ADGRL3: variants seen among roughly 807,000 people sequenced by gnomAD.
ADGRL3 encodes calcium-independent alpha-latrotoxin receptor 3.
In ADGRL3, 62 loss-of-function variants were observed where a neutral mutation model predicts 153.5. The ratio of observed to expected loss-of-function variants is 0.40; its 90% CI spans 0.33 to 0.50. The LOEUF (loss-of-function observed/expected upper bound fraction) is 0.50. Ranked by LOEUF, ADGRL3 falls within the 20% of genes least tolerant of loss-of-function variation. The pLI, the probability that ADGRL3 is intolerant of heterozygous loss-of-function variation, is 0.47. For synonymous variants in ADGRL3, 710 were observed against 672.5 expected (o/e 1.06, Z -0.86); for missense variants, 1,641 against 1,859.4 (o/e 0.88, Z 2.16).
In ADGRL3 at chr4:61,517,396, C is replaced by G. The variant is rs2098503212; in HGVS notation, c.137C>G (p.Pro46Arg). Residue 46 changes from proline to arginine, a missense_variant, in exon 4 of 27, where the codon CCC (proline) becomes CGC (arginine). By Grantham distance (103) the Pro-to-Arg change is moderately radical. Around this residue, in one of 5 missense-constraint regions of ADGRL3, gnomAD observed 145 missense variants for 79.1 expected, o/e 1.83. Coordinates refer to ENST00000683033, the MANE Select transcript of ADGRL3 (RefSeq NM_001387552.1). ...CGCAGCCCAGGAGGCGCTCTTCCAC[C>G]CAGACATCTGCTTCAGCAGCCAGCT... ...AERSPGGALPPRHLLQQPAAE... is the reference protein window; with the variant it reads ...AERSPGGALPRRHLLQQPAAE... 1 of 731,148 alleles carries G rather than the reference C, an allele frequency of 1.4e-6. No individual in the cohort carries two copies. Among genetic ancestry groups the G allele is most frequent in the Non-Finnish European group, 2.4e-6 (1 of 410,696 alleles). The allele number at this position is 731,148 out of a possible 1,614,324, so 45.3% of individuals were successfully genotyped here. A position where few individuals can be genotyped will look rare whatever the true frequency, so the allele number is the denominator to read the frequency against.
At chr4:61,789,041 C>T (rs1580831296) in intron 8 of ADGRL3, among the ~76,000 whole-genome samples, 2 of 151,962 alleles carry the variant, frequency 1.3e-5, no homozygotes, top group African/African-American at 4.8e-5. Flanking sequence ...TCAAATTTAT[C>T]AAAAGAGTCA....
intron 2 of ADGRL3, among the ~76,000 whole-genome samples, chr4:61,456,384 T>TATAGATATATCTATATCTATAG (rs1553934045): frequency 8.7e-6 from 1 of 115,100 alleles, no homozygotes; most frequent in Admixed American, 9.6e-5. Context: ...TCTATATATA[T>TATAGATATATCTATATCTATAG]ATATAGATAT....
At chr4:61,846,460 G>T (rs532283427) in intron 9 of ADGRL3, among the ~76,000 whole-genome samples, 1 of 152,000 alleles carries the variant, frequency 6.6e-6, no homozygotes, top group Non-Finnish European at 1.5e-5. Flanking sequence ...TGCATTTACA[G>T]CCATCTAGCC....
At chr4:61,440,996 T>A in intron 2 of ADGRL3, among the ~76,000 whole-genome samples, 1 of 152,220 alleles carries the variant, frequency 6.6e-6, no homozygotes, top group Non-Finnish European at 1.5e-5. Flanking sequence ...TACAGGTCTC[T>A]GAGAGATTAT....
At chr4:61,551,747 G>A (rs1468277339) in intron 4 of ADGRL3, among the ~76,000 whole-genome samples, 1 of 152,136 alleles carries the variant, frequency 6.6e-6, no homozygotes, top group Non-Finnish European at 1.5e-5. Context: ...AGGAATCACA[G>A]AGCTGGACAA....
chr4:61,249,028 C>T (rs1758165219), intron 1 of ADGRL3, among the ~76,000 whole-genome samples: 1 of 152,280 alleles, frequency 6.6e-6, no homozygotes, highest in South Asian at 2.1e-4. Context: ...GCTTCTCCAT[C>T]TAACCTTCCT....
intron 1 of ADGRL3, among the ~76,000 whole-genome samples, chr4:61,271,379 T>G (rs1401224032): frequency 6.6e-6 from 1 of 151,632 alleles, no homozygotes; most frequent in Non-Finnish European, 1.5e-5. Flanking sequence ...AGAATAAGAG[T>G]TTTGTTAAGA....
chr4:62,017,986 G>C (rs1056436311), intron 21 of ADGRL3, among the ~76,000 whole-genome samples: 1 of 152,082 alleles, frequency 6.6e-6, no homozygotes, highest in Non-Finnish European at 1.5e-5. Flanking sequence ...CCGGGTTCAA[G>C]TAATTCAAAG....
intron 3 of ADGRL3, among the ~76,000 whole-genome samples, chr4:61,505,978 A>G (rs1339289714): frequency 2.6e-5 from 4 of 152,120 alleles, no homozygotes; most frequent in Non-Finnish European, 5.9e-5. Flanking sequence ...AGCATTGCTT[A>G]CATGAAGCCC....
intron 8 of ADGRL3, among the ~76,000 whole-genome samples, chr4:61,737,594 T>C (rs987160843): frequency 3.3e-5 from 5 of 152,170 alleles, no homozygotes; most frequent in Non-Finnish European, 1.5e-5. Context: ...CCTCAGAAGA[T>C]TATTGTTATA....
At chr4:61,422,172 T>A (rs2097214880) in intron 2 of ADGRL3, among the ~76,000 whole-genome samples, 1 of 152,198 alleles carries the variant, frequency 6.6e-6, no homozygotes, top group Non-Finnish European at 1.5e-5. Flanking sequence ...TTTCAGTGTT[T>A]ATGTGTTCTG....
At chr4:61,929,158 A>G (rs1460604830) in intron 13 of ADGRL3, among the ~76,000 whole-genome samples, 1 of 152,132 alleles carries the variant, frequency 6.6e-6, no homozygotes, top group African/African-American at 2.4e-5. Flanking sequence ...TGGTGGGGTG[A>G]TTAGGCCAAG....
At chr4:61,607,606 C>T (rs1293157746) in intron 5 of ADGRL3, among the ~76,000 whole-genome samples, 1 of 151,814 alleles carries the variant, frequency 6.6e-6, no homozygotes, top group Non-Finnish European at 1.5e-5. Flanking sequence ...AACAAACAAA[C>T]AAACAAACAA....
At chr4:61,819,537 G>C (rs1375725221) in intron 9 of ADGRL3, among the ~76,000 whole-genome samples, 30 of 151,826 alleles carry the variant, frequency 2.0e-4, no homozygotes, top group Non-Finnish European at 2.5e-4. Context: ...AATGTTTCAG[G>C]AATTATTGCT....
intron 25 of ADGRL3, among the ~76,000 whole-genome samples, chr4:62,054,593 G>C (rs28500485): frequency 0.21 from 31,593 of 151,384 alleles, 3,837 homozygotes; most frequent in South Asian, 0.41. Flanking sequence ...TTAGATTAAA[G>C]AGGGAGTTTT....
rs189490539 is a variant in ADGRL3 at position 61,508,136 on chromosome 4, A to C, written c.56-9179A>C. ...AAAAAATCCTTTTTGTCAGGAGCCA[A>C]ATCTCTAATAAATTTATATCACTAA... On this transcript the variant is annotated intron_variant, in intron 3 of 26. Coordinates refer to ENST00000683033, the MANE Select transcript of ADGRL3 (RefSeq NM_001387552.1). Among the ~76,000 whole-genome samples the C allele has an allele frequency of 1.8e-3, 272 of 152,222 alleles. 1 individual carries two copies. Among genetic ancestry groups the C allele is most frequent in the Middle Eastern group, 3.4e-3 (1 of 294 alleles).
chr4:62,057,744 C>T (rs1355329322), intron 25 of ADGRL3, among the ~76,000 whole-genome samples: 1 of 152,072 alleles, frequency 6.6e-6, no homozygotes, highest in African/African-American at 2.4e-5. Flanking sequence ...GTGGTGTGAT[C>T]TCAACTAACT....
intron 5 of ADGRL3, among the ~76,000 whole-genome samples, chr4:61,635,049 G>A (rs2093356231): frequency 6.6e-6 from 1 of 152,120 alleles, no homozygotes; most frequent in Non-Finnish European, 1.5e-5. Context: ...GGCGTACTGA[G>A]TCTACTGTAG....
intron 2 of ADGRL3, among the ~76,000 whole-genome samples, chr4:61,449,615 G>A (rs1482590932): frequency 6.6e-6 from 1 of 152,088 alleles, no homozygotes; most frequent in African/African-American, 2.4e-5. Flanking sequence ...TAGATACCCA[G>A]TCTGGACTAT....
Sources: gnomAD v4.1 joint callset for allele counts (sites outside exome capture counted in the v4.1 genomes callset) on GRCh38, gnomAD v4.1.1 for gene constraint, gnomAD v4.1.1 regional missense constraint, MANE v1.5 for transcripts, NCBI Gene and HGNC (gene_info 2026-07-23, HGNC 2026-07-21) for gene names.